Variants in RPGRIP1L observed in about 807,000 individuals in gnomAD.
RPGRIP1L encodes protein fantom.
A neutral mutation model predicts 160.4 loss-of-function variants in RPGRIP1L; 131 were observed. The ratio of observed to expected loss-of-function variants is 0.82; its 90% CI spans 0.71 to 0.94. The LOEUF (loss-of-function observed/expected upper bound fraction) is 0.94, where lower values mean the gene tolerates loss of function less well. Among genes scored for constraint, RPGRIP1L ranks in the 40% least tolerant of loss-of-function variants. The probability of loss-of-function intolerance (pLI) is 0.00; values close to 1 mark genes in which losing one functional copy is unlikely to be tolerated. For synonymous variants in RPGRIP1L, 510 were observed against 515.8 expected (o/e 0.99, Z 0.15); for missense variants, 1,522 against 1,535.8 (o/e 0.99, Z 0.15).
chr16:53,637,149 A>G (rs1965892732), intron 21 of RPGRIP1L, among the ~76,000 whole-genome samples: 2 of 152,064 alleles, frequency 1.3e-5, no homozygotes, highest in Non-Finnish European at 2.9e-5. Context: ...GATGTGCAAC[A>G]CTATGCCTGG....
chr16:53,653,318 TC>T, intron 14 of RPGRIP1L: 1 of 1,142,398 alleles, frequency 8.8e-7, no homozygotes, highest in Non-Finnish European at 1.1e-6. Flanking sequence ...CTGTCTCTGC[TC>T]CACCCATTGT....
At chr16:53,698,396 T>C (rs76045801) in intron 2 of RPGRIP1L, among the ~76,000 whole-genome samples, 23,736 of 113,168 alleles carry the variant, frequency 0.21, 3,300 homozygotes, top group East Asian at 0.47. Context: ...CGGCCAGCCG[T>C]CCTGTCTGGG....
At chr16:53,623,792 A>G (rs1332193240) in intron 22 of RPGRIP1L, among the ~76,000 whole-genome samples, 1 of 152,214 alleles carries the variant, frequency 6.6e-6, no homozygotes, top group Non-Finnish European at 1.5e-5. Context: ...GGCAGGACCA[A>G]TATCTTACTC....
chr16:53,638,750 A>C (rs1273261700), intron 19 of RPGRIP1L, among the ~76,000 whole-genome samples: 2 of 151,896 alleles, frequency 1.3e-5, no homozygotes, highest in African/African-American at 4.8e-5. Context: ...TGAAAAAAAA[A>C]TGATGTAGAC....
intron 5 of RPGRIP1L, 30 bp from the exon 6 acceptor site, chr16:53,686,606 T>C (rs370647693): frequency 1.1e-4 from 183 of 1,612,188 alleles, no homozygotes; most frequent in Middle Eastern, 6.6e-4. Context: ...TAAGAACTTG[T>C]AGTTTGAGGA....
intron 24 of RPGRIP1L, among the ~76,000 whole-genome samples, chr16:53,615,112 A>AGAT (rs1964280384): frequency 6.6e-6 from 1 of 152,204 alleles, no homozygotes; most frequent in Non-Finnish European, 1.5e-5. Context: ...GATGTTTCAC[A>AGAT]TCATCTTCAT....
At chr16:53,703,460 C>G (rs559190808) in intron 1 of RPGRIP1L, 2 of 154,392 alleles carry the variant, frequency 1.3e-5, no homozygotes, top group East Asian at 3.8e-4. Context: ...GTCTACCAAC[C>G]AACTCCTAAT....
At chr16:53,699,609 C>T (rs941348856) in intron 2 of RPGRIP1L, among the ~76,000 whole-genome samples, 2 of 152,136 alleles carry the variant, frequency 1.3e-5, no homozygotes, top group Admixed American at 1.3e-4. Flanking sequence ...CCTGAAAGAT[C>T]TGCAGAGCAA....
chr16:53,664,871 T>G lies in RPGRIP1L; in HGVS notation c.1242A>C (p.Arg414Ser), dbSNP rs756318606. 5 of 1,609,956 alleles carry G rather than the reference T, an allele frequency of 3.1e-6. No individual in the cohort carries two copies. The highest frequency in any genetic ancestry group is 8.5e-7 in the Non-Finnish European group (1 of 1,179,814). Reference sequence around the variant, plus strand: ...AGGCAGTGGTTATTTCAAATGTACCTCTTTCAGTTTTTAATCTGTCAAGGA... The same window carrying G: ...AGGCAGTGGTTATTTCAAATGTACCGCTTTCAGTTTTTAATCTGTCAAGGA... Reference protein sequence around the residue: ...TEILDRLKTERDQNEKLVQEN... With the variant: ...TEILDRLKTESDQNEKLVQEN... The change falls in exon 10 of 27, where the codon AGA becomes AGC. Residue 414 changes from arginine (R) to serine (S), a missense_variant and splice_region_variant. Coordinates refer to ENST00000647211, the MANE Select transcript of RPGRIP1L (RefSeq NM_015272.5).
At chr16:53,690,534 C>T (rs971122914) in intron 4 of RPGRIP1L, among the ~76,000 whole-genome samples, 60 of 152,264 alleles carry the variant, frequency 3.9e-4, no homozygotes, top group South Asian at 1.2e-3. Context: ...CTCACTACGT[C>T]GCCCAGGCTA....
chr16:53,658,940 C>G (rs1967523476), intron 10 of RPGRIP1L, 62 bp from the exon 11 acceptor site: 1 of 1,071,120 alleles, frequency 9.3e-7, no homozygotes, highest in Non-Finnish European at 1.4e-6. Context: ...GGACACATTT[C>G]AAATTACTTT....
At chr16:53,654,401 T>C (rs761734114) in intron 14 of RPGRIP1L, among the ~76,000 whole-genome samples, 5 of 152,232 alleles carry the variant, frequency 3.3e-5, no homozygotes, top group African/African-American at 4.8e-5. Context: ...AGGGCATCTT[T>C]CCCTGCTTTA....
At chr16:53,625,357 C>T (rs1015580063) in intron 22 of RPGRIP1L, among the ~76,000 whole-genome samples, 24 of 151,416 alleles carry the variant, frequency 1.6e-4, no homozygotes, top group African/African-American at 5.6e-4. Flanking sequence ...GTGGGGAGCG[C>T]CTCCGCCCGG....
chr16:53,683,921 T>C (rs1349182391), intron 6 of RPGRIP1L, among the ~76,000 whole-genome samples: 2 of 152,118 alleles, frequency 1.3e-5, no homozygotes, highest in Admixed American at 6.6e-5. Flanking sequence ...CTGGAAGAAC[T>C]GGCTAGCCAT....
intron 22 of RPGRIP1L, among the ~76,000 whole-genome samples, chr16:53,623,833 T>C (rs1052230233): frequency 6.6e-5 from 10 of 152,218 alleles, no homozygotes; most frequent in Non-Finnish European, 1.3e-4. Context: ...CTCCCCAACA[T>C]AGACTGTCAA....
At chr16:53,613,476 G>A (rs909595650) in intron 24 of RPGRIP1L, among the ~76,000 whole-genome samples, 2 of 151,908 alleles carry the variant, frequency 1.3e-5, no homozygotes, top group African/African-American at 4.8e-5. Flanking sequence ...GCACCACTAT[G>A]TCCACCTAAT....
intron 19 of RPGRIP1L, among the ~76,000 whole-genome samples, chr16:53,640,503 A>G (rs999930329): frequency 1.3e-5 from 2 of 152,164 alleles, no homozygotes; most frequent in African/African-American, 4.8e-5. Flanking sequence ...ATATTTAAAC[A>G]TATGATCAAG....
chr16:53,690,751 G>C (rs1970330483), intron 4 of RPGRIP1L, among the ~76,000 whole-genome samples: 1 of 152,128 alleles, frequency 6.6e-6, no homozygotes, highest in African/African-American at 2.4e-5. Flanking sequence ...ATATATTATT[G>C]TGGGAGCCAC....
rs978023884 is a variant in RPGRIP1L, at chr16:53,700,627, A to G, written c.85+12T>C. 1.9e-6 allele frequency: 3 copies of G among 1,598,440 alleles called. No individual in the cohort carries two copies. The highest frequency in any genetic ancestry group is 1.7e-5 in the Admixed American group (1 of 59,740). The stretch of plus-strand genomic sequence containing the variant: ...AAAGTTCATAACTGTAATAAATAAC[A>G]GCTGGCCATACCTTGTAACCCTCCC... On this transcript the variant is annotated intron_variant, in intron 2 of 26. Coordinates refer to ENST00000647211, the MANE Select transcript of RPGRIP1L (RefSeq NM_015272.5).
Sources: gnomAD v4.1 joint callset for allele counts (sites outside exome capture counted in the v4.1 genomes callset) on GRCh38, gnomAD v4.1.1 for gene constraint, MANE v1.5 for transcripts, NCBI Gene and HGNC (gene_info 2026-07-23, HGNC 2026-07-21) for gene names.